SYNGR1: variants seen among roughly 807,000 people sequenced by gnomAD.
SYNGR1 encodes the protein synaptogyrin-1.
Under a neutral mutation model 26.1 loss-of-function variants are expected in SYNGR1, and 14 were observed. The observed-to-expected ratio is 0.54, with a 90% CI of 0.35 to 0.84. The LOEUF (loss-of-function observed/expected upper bound fraction) is 0.84, where lower values mean the gene tolerates loss of function less well. SYNGR1 is among the 40% of genes least tolerant of loss of function. The pLI is 0.01. For synonymous variants in SYNGR1, 141 were observed against 150.1 expected (o/e 0.94, Z 0.44); for missense variants, 319 against 332.9 (o/e 0.96, Z 0.33).
At chr22:39,377,651 G>A in intron 3 of SYNGR1, 1 of 1,614,024 alleles carries the variant, frequency 6.2e-7, no homozygotes, top group Non-Finnish European at 8.5e-7. Context: ...GCTTCCAGGA[G>A]GAGTACAGCA....
chr22:39,364,220 T>A (rs1293624412), intron 1 of SYNGR1: 2 of 1,613,866 alleles, frequency 1.2e-6, no homozygotes, highest in Non-Finnish European at 1.7e-6. Flanking sequence ...TTTGGGATTC[T>A]GGAATTCGAT....
In SYNGR1 at chr22:39,381,864, G is replaced by C. The variant is rs775549569; in HGVS notation, c.652G>C (p.Ala218Pro). 32 of 1,612,758 alleles carry C rather than the reference G, an allele frequency of 2.0e-5. No individual in the cohort carries two copies. The highest frequency in any genetic ancestry group is 4.0e-5 in the African/African-American group (3 of 75,012). Residue 218 changes from alanine (A) to proline (P), a missense_variant, in exon 4 of 4, where the codon GCC becomes CCC. Transcript: ENST00000328933. ...AGMGGTYQQP[A>P]NTFDTEPQGY... The stretch of plus-strand genomic sequence containing the variant: ...TATGGGCGGCACCTACCAGCAGCCG[G>C]CCAACACCTTCGACACCGAGCCCCA...
rs565383077 is a variant in SYNGR1 at position 39,366,682 on chromosome 22, C to G, written c.100-7634C>G. On this transcript the variant is annotated intron_variant, in intron 1 of 3. Coordinates refer to ENST00000328933, the MANE Select transcript of SYNGR1 (RefSeq NM_004711.5). ...TATATATTCAGCACCCACCACTTCTCCCCATCTCCACTGCCTGCACCAGCC... is the reference window on the plus strand; with the variant it reads ...TATATATTCAGCACCCACCACTTCTGCCCATCTCCACTGCCTGCACCAGCC... 1.2e-4 allele frequency among the ~76,000 whole-genome samples: 19 copies of G among 152,274 alleles called. No homozygotes were observed. In the South Asian group the frequency reaches 3.1e-3, roughly 25 times the overall value.
chr22:39,358,315 A>T (rs1195865152), intron 1 of SYNGR1, among the ~76,000 whole-genome samples: 2 of 152,080 alleles, frequency 1.3e-5, no homozygotes, highest in South Asian at 4.1e-4. Context: ...AAAACAGGCC[A>T]CTCGGCTCTA....
In SYNGR1 at chr22:39,381,859, A is replaced by G. The variant is rs774312851; in HGVS notation, c.647A>G (p.Gln216Arg). The change falls in exon 4 of 4, where the codon CAG becomes CGG. Residue 216 changes from glutamine to arginine, a missense_variant. By Grantham distance (43) the Gln-to-Arg change is conservative. Transcript: ENST00000328933. ...GCCGGTATGGGCGGCACCTACCAGC[A>G]GCCGGCCAACACCTTCGACACCGAG... is the stretch of plus-strand genomic sequence containing the variant. The part of the protein sequence containing the change: ...DPAGMGGTYQ[Q>R]PANTFDTEPQ... 6.2e-6 allele frequency: 10 copies of G among 1,612,844 alleles called. No individual in the cohort carries two copies. Among genetic ancestry groups the G allele is most frequent in the Admixed American group, 5.0e-5 (3 of 59,994 alleles).
At chr22:39,377,666 G>C in intron 3 of SYNGR1, 1 of 1,613,920 alleles carries the variant, frequency 6.2e-7, no homozygotes. Flanking sequence ...ACAGCACACT[G>C]TTCCCTGCCT....
chr22:39,356,142 C>G (rs1408113023), intron 1 of SYNGR1, among the ~76,000 whole-genome samples: 1 of 152,242 alleles, frequency 6.6e-6, no homozygotes, highest in Non-Finnish European at 1.5e-5. Flanking sequence ...TCTCAGCTCA[C>G]TGCAGCCTCC....
In SYNGR1 at chr22:39,350,152, G is replaced by T; in HGVS notation, c.99+43G>T. ...GACGGCTCTGCCAGGCCGGGGTGGT[G>T]GGGGTGTGAGCAAAGGCGGCGCGCC... On this transcript the variant is annotated intron_variant, in intron 1 of 3. Transcript: ENST00000328933. This position sits in a 1 kb window ranked among gnomAD's most constrained non-coding sequence, Gnocchi z 4.3. 3.0e-6 allele frequency: 4 copies of T among 1,339,542 alleles called. No individual in the cohort carries two copies. In the South Asian group the frequency reaches 4.5e-5, roughly 15 times the overall value. 83.0% of individuals were successfully genotyped at this position (1,339,542 alleles called of 1,614,324 possible). A position where few individuals can be genotyped will look rare whatever the true frequency, so the allele number is the denominator to read the frequency against.
chr22:39,377,055 G>C, intron 3 of SYNGR1: 2 of 1,550,780 alleles, frequency 1.3e-6, no homozygotes, highest in Admixed American at 2.0e-5. Context: ...CATCCCAAGA[G>C]CCCTCCCCAT....
At chr22:39,355,477 G>A (rs748801236) in intron 1 of SYNGR1, among the ~76,000 whole-genome samples, 1 of 152,236 alleles carries the variant, frequency 6.6e-6, no homozygotes, top group African/African-American at 2.4e-5. Flanking sequence ...TCTCTCTCAG[G>A]TCTAGGACAG....
intron 1 of SYNGR1, among the ~76,000 whole-genome samples, chr22:39,352,963 G>A (rs890587686): frequency 4.6e-5 from 7 of 152,080 alleles, no homozygotes; most frequent in Admixed American, 4.6e-4. Context: ...CCAGGTTCAA[G>A]CAACTCTACT....
rs1375814715 is a variant in SYNGR1, at chr22:39,385,189, T to A, written c.*3275T>A. On this transcript the variant is annotated 3_prime_UTR_variant, in exon 4 of 4. Coordinates refer to ENST00000328933, the MANE Select transcript of SYNGR1 (RefSeq NM_004711.5). ...GGGGAATGCCCCTCCCAGGAGTTTA[T>A]GGGAGAAGGGACTGGGCCGGCTGCC... 2 of 394,460 alleles carry A rather than the reference T, an allele frequency of 5.1e-6. No individual in the cohort carries two copies. The highest frequency in any genetic ancestry group is 4.1e-5 in the African/African-American group (2 of 48,554). 24.4% of individuals were successfully genotyped at this position (394,460 alleles called of 1,614,324 possible).
chr22:39,364,205 T>TA lies in SYNGR1; in HGVS notation c.100-10110dup, dbSNP rs767763943. Reference sequence around the variant, plus strand: ...TGCCTCCTTGGTCTCATGTTGACCTTAGAGTTTGGGATTCTGGAATTCGAT... The same window carrying TA: ...TGCCTCCTTGGTCTCATGTTGACCTTAAGAGTTTGGGATTCTGGAATTCGAT... On this transcript the variant is annotated intron_variant, in intron 1 of 3. Transcript: ENST00000328933. 2.5e-6 allele frequency: 4 copies of TA among 1,613,380 alleles called. No individual in the cohort carries two copies. In the South Asian group the frequency reaches 4.4e-5, roughly 18 times the overall value.
chr22:39,367,389 C>G lies in SYNGR1; in HGVS notation c.100-6927C>G, dbSNP rs1379831607. ...GTAGCAGGCGGTAGGGACAGTCAGTCTTCCAGGGAGGAAAACATGGAAAGG... is the reference window on the plus strand; with the variant it reads ...GTAGCAGGCGGTAGGGACAGTCAGTGTTCCAGGGAGGAAAACATGGAAAGG... On this transcript the variant is annotated intron_variant, in intron 1 of 3. Transcript: ENST00000328933. Among the ~76,000 whole-genome samples, 10 of 152,294 alleles carry G rather than the reference C, an allele frequency of 6.6e-5. No homozygotes were observed. The East Asian group carries it at 1.7e-3, about 26-fold the overall frequency.
chr22:39,362,551 C>T (rs375291890), intron 1 of SYNGR1, among the ~76,000 whole-genome samples: 1 of 152,162 alleles, frequency 6.6e-6, no homozygotes, highest in African/African-American at 2.4e-5. Flanking sequence ...CCTCACTTGA[C>T]CCTGGGGGAA....
Position 39,374,527 on chromosome 22 carries a change from C to T in SYNGR1, c.311C>T (p.Ala104Val). 6.2e-7 allele frequency: 1 copy of T among 1,613,572 alleles called. No individual in the cohort carries two copies. Among genetic ancestry groups the T allele is most frequent in the Non-Finnish European group, 8.5e-7 (1 of 1,180,012 alleles). The change falls in exon 2 of 4, where the codon GCC becomes GTC. Residue 104 changes from alanine to valine, a missense_variant. By Grantham distance (64) the Ala-to-Val change is moderately conservative. Coordinates refer to ENST00000328933, the MANE Select transcript of SYNGR1 (RefSeq NM_004711.5). ...AGCAGCGTCAAGGACCGCAAGAAAG[C>T]CGTCCTGTCCGACATCGGTGTCTCG... ...QISSVKDRKK[A>V]VLSDIGVSAF...
At chr22:39,355,934 G>A (rs1027600455) in intron 1 of SYNGR1, among the ~76,000 whole-genome samples, 9 of 152,186 alleles carry the variant, frequency 5.9e-5, no homozygotes, top group African/African-American at 1.2e-4. Context: ...CATGAGTATC[G>A]CTTAAGCCCG....
chr22:39,377,143 T>C, intron 3 of SYNGR1: 1 of 1,495,962 alleles, frequency 6.7e-7, no homozygotes, highest in Non-Finnish European at 8.9e-7. Flanking sequence ...TGAGGCTACA[T>C]ACAGGCCGCC....
At chr22:39,377,626 G>A in intron 3 of SYNGR1, 2 of 1,614,058 alleles carry the variant, frequency 1.2e-6, no homozygotes, top group Non-Finnish European at 1.7e-6. Flanking sequence ...GCCGTGCGGA[G>A]ATTCAAGGAC....
Sources: allele counts gnomAD v4.1 joint callset (sites outside exome capture counted in the v4.1 genomes callset), GRCh38; gene constraint gnomAD v4.1.1; non-coding constraint Gnocchi (gnomAD v3.1); transcripts MANE v1.5; gene names NCBI Gene and HGNC (gene_info 2026-07-23, HGNC 2026-07-21).